Variants in LRRTM4 observed in about 807,000 individuals in gnomAD.
LRRTM4 encodes the protein leucine rich repeat transmembrane neuronal 4.
LRRTM4 carries 25 observed loss-of-function variants against 47.6 expected under a neutral mutation model. The ratio of observed to expected loss-of-function variants is 0.53; its 90% CI spans 0.38 to 0.73. The LOEUF (loss-of-function observed/expected upper bound fraction) is 0.73. Among genes scored for constraint, LRRTM4 ranks in the 30% least tolerant of loss-of-function variants. The probability of loss-of-function intolerance (pLI) is 0.00; values close to 1 mark genes in which losing one functional copy is unlikely to be tolerated. For synonymous variants in LRRTM4, 311 were observed against 269.5 expected (o/e 1.15, Z -1.51); for missense variants, 638 against 713.4 (o/e 0.89, Z 1.20).
At chr2:76,833,143 G>A (rs1184164510) in intron 3 of LRRTM4, among the ~76,000 whole-genome samples, 1 of 152,122 alleles carries the variant, frequency 6.6e-6, no homozygotes, top group African/African-American at 2.4e-5. Flanking sequence ...TGGAAATACA[G>A]GTTTGGGAGT....
intron 3 of LRRTM4, among the ~76,000 whole-genome samples, chr2:76,802,386 G>C (rs777712570): frequency 6.6e-6 from 1 of 151,884 alleles, no homozygotes; most frequent in Non-Finnish European, 1.5e-5. Context: ...ATATCTACAA[G>C]ATAGTCTTAG....
intron 3 of LRRTM4, among the ~76,000 whole-genome samples, chr2:76,809,231 C>G (rs1670654645): frequency 6.6e-6 from 1 of 152,176 alleles, no homozygotes; most frequent in Admixed American, 6.5e-5. Flanking sequence ...CATACACATA[C>G]ATGCAATCCT....
At chr2:77,428,552 T>G (rs1463745198) in intron 3 of LRRTM4, among the ~76,000 whole-genome samples, 1 of 152,212 alleles carries the variant, frequency 6.6e-6, no homozygotes, top group Non-Finnish European at 1.5e-5. Context: ...CACAGTAGAA[T>G]ATTGCCTTTT....
chr2:77,511,307 C>T (rs1678978828), intron 3 of LRRTM4, among the ~76,000 whole-genome samples: 1 of 151,912 alleles, frequency 6.6e-6, no homozygotes, highest in Non-Finnish European at 1.5e-5. Context: ...AAAGCAATAC[C>T]ATCTGTATTC....
intron 3 of LRRTM4, among the ~76,000 whole-genome samples, chr2:76,920,950 G>C (rs76899433): frequency 0.015 from 2,343 of 152,122 alleles, 71 homozygotes; most frequent in South Asian, 0.075. Context: ...ATTATACTGA[G>C]TTTCCACGTA....
rs192525834 is a variant in LRRTM4, at chr2:77,265,825, G to A, written c.1551+252493C>T. On this transcript the variant is annotated intron_variant, in intron 3 of 3. Coordinates refer to ENST00000409884, the MANE Select transcript of LRRTM4 (RefSeq NM_001134745.3). ...TAAAACATAATGAATAATAAACTATGTTATATTAGAATAGTTGATTATTTT... is the reference window on the plus strand; with the variant it reads ...TAAAACATAATGAATAATAAACTATATTATATTAGAATAGTTGATTATTTT... 2.0e-5 allele frequency among the ~76,000 whole-genome samples: 3 copies of A among 152,188 alleles called. No homozygotes were observed. In the East Asian group the frequency reaches 5.8e-4, roughly 29 times the overall value.
chr2:77,303,655 ACTT>A (rs751933548), intron 3 of LRRTM4, among the ~76,000 whole-genome samples: 1 of 152,172 alleles, frequency 6.6e-6, no homozygotes, highest in Non-Finnish European at 1.5e-5. Context: ...TCAATTATCT[ACTT>A]CTATGATATC....
intron 3 of LRRTM4, among the ~76,000 whole-genome samples, chr2:76,900,160 G>C (rs1673574433): frequency 6.6e-6 from 1 of 151,978 alleles, no homozygotes; most frequent in Non-Finnish European, 1.5e-5. Flanking sequence ...CTTGAATCTG[G>C]GAAGCACAGA....
At position 77,159,523 on chromosome 2, in the gene LRRTM4, G is replaced by GAA. The variant is rs374578663; in HGVS notation, c.1551+358793_1551+358794dup. On this transcript the variant is annotated intron_variant, in intron 3 of 3. Transcript: ENST00000409884. ...GTACCCTAGGACTTAAAGTATAATG[G>GAA]AAAAAAAAAAAAAGAAAAAAAAAGG... Among the ~76,000 whole-genome samples, 724 of 110,726 alleles carry GAA rather than the reference G, an allele frequency of 6.5e-3. 5 individuals carry two copies. Among genetic ancestry groups the GAA allele is most frequent in the African/African-American group, 0.023 (688 of 30,410 alleles). 72.6% of individuals were successfully genotyped at this position (110,726 alleles called of 152,430 possible). A position where few individuals can be genotyped will look rare whatever the true frequency, so the allele number is the denominator to read the frequency against.
intron 3 of LRRTM4, among the ~76,000 whole-genome samples, chr2:76,765,389 T>C (rs1265552100): frequency 2.0e-5 from 3 of 152,158 alleles, no homozygotes; most frequent in African/African-American, 4.8e-5. Flanking sequence ...GAAATAAATT[T>C]ATTTTGCATG....
rs879395029 is a variant in LRRTM4 at position 77,081,293 on chromosome 2, T to C, written c.1552-332377A>G. On this transcript the variant is annotated intron_variant, in intron 3 of 3. Coordinates refer to ENST00000409884, the MANE Select transcript of LRRTM4 (RefSeq NM_001134745.3). Reference sequence around the variant, plus strand: ...ACACACACACACACACACACACACATAAATTTGTTGGAAAAGAGCAAAATG... The same window carrying C: ...ACACACACACACACACACACACACACAAATTTGTTGGAAAAGAGCAAAATG... Among the ~76,000 whole-genome samples the C allele has an allele frequency of 6.4e-4, 76 of 119,022 alleles. 1 individual carries two copies. Among genetic ancestry groups the C allele is most frequent in the Middle Eastern group, 4.3e-3 (1 of 232 alleles). 78.1% of individuals were successfully genotyped at this position (119,022 alleles called of 152,430 possible).
chr2:77,081,339 T>G (rs1305736533), intron 3 of LRRTM4, among the ~76,000 whole-genome samples: 1 of 151,240 alleles, frequency 6.6e-6, no homozygotes, highest in African/African-American at 2.4e-5. Flanking sequence ...AAAAGTACAT[T>G]TTAAAATATA....
intron 3 of LRRTM4, among the ~76,000 whole-genome samples, chr2:76,806,444 G>C (rs557163947): frequency 4.2e-4 from 64 of 152,182 alleles, no homozygotes; most frequent in African/African-American, 1.4e-3. Context: ...AGCAGGGCGT[G>C]GTAGCGCACG....
chr2:76,807,463 T>TACAC lies in LRRTM4; in HGVS notation c.1552-58548_1552-58547insGTGT, dbSNP rs1436867788. Among the ~76,000 whole-genome samples, 715 of 99,466 alleles carry TACAC rather than the reference T, an allele frequency of 7.2e-3. 10 individuals carry two copies. The highest frequency in any genetic ancestry group is 0.023 in the African/African-American group (432 of 18,988). 65.3% of individuals were successfully genotyped at this position (99,466 alleles called of 152,430 possible). A position where few individuals can be genotyped will look rare whatever the true frequency, so the allele number is the denominator to read the frequency against. Reference sequence around the variant, plus strand: ...GTATATACATATATATATATACATATATATATACATATATATATATATACA... The same window carrying TACAC: ...GTATATACATATATATATATACATATACACATATATACATATATATATATATACA... On this transcript the variant is annotated intron_variant, in intron 3 of 3. Transcript: ENST00000409884.
intron 3 of LRRTM4, among the ~76,000 whole-genome samples, chr2:77,330,395 T>C (rs1670925284): frequency 2.0e-5 from 3 of 152,178 alleles, no homozygotes; most frequent in South Asian, 4.1e-4. Flanking sequence ...ATAGTGCTGA[T>C]TGCAATCAAA....
At chr2:77,045,587 C>G (rs930422550) in intron 3 of LRRTM4, among the ~76,000 whole-genome samples, 19 of 151,964 alleles carry the variant, frequency 1.3e-4, no homozygotes, top group African/African-American at 4.6e-4. Context: ...CTGTGCTACT[C>G]TCCTGATAGT....
chr2:77,072,133 T>C lies in LRRTM4; in HGVS notation c.1552-323217A>G, dbSNP rs192557867. 2.7e-3 allele frequency among the ~76,000 whole-genome samples: 407 copies of C among 152,224 alleles called. 6 individuals are homozygous for C. The highest frequency in any genetic ancestry group is 8.5e-3 in the African/African-American group (353 of 41,560). ...TCTGAAAAACTCAGAGTCATAAGAA[T>C]GTTATTAAATTTTCAAATGTTGAAG... On this transcript the variant is annotated intron_variant, in intron 3 of 3. Coordinates refer to ENST00000409884, the MANE Select transcript of LRRTM4 (RefSeq NM_001134745.3).
intron 3 of LRRTM4, among the ~76,000 whole-genome samples, chr2:76,968,133 C>T (rs1403419330): frequency 3.3e-5 from 5 of 150,714 alleles, no homozygotes; most frequent in African/African-American, 1.2e-4. Flanking sequence ...CATATGCAAG[C>T]ATTCACTTAT....
chr2:77,268,471 T>C (rs1399979276), intron 3 of LRRTM4, among the ~76,000 whole-genome samples: 5 of 152,098 alleles, frequency 3.3e-5, no homozygotes, highest in Admixed American at 3.3e-4. Context: ...ACTCTTACCA[T>C]CCTGCCTTGG....
Sources: allele counts gnomAD v4.1 joint callset (sites outside exome capture counted in the v4.1 genomes callset), GRCh38; gene constraint gnomAD v4.1.1; transcripts MANE v1.5; gene names NCBI Gene and HGNC (gene_info 2026-07-23, HGNC 2026-07-21).